The following CCDC73 variants were observed in gnomAD, a reference collection of about 807,000 sequenced individuals.
CCDC73 encodes the protein coiled-coil domain containing 73.
In CCDC73, 95 loss-of-function variants were observed where a neutral mutation model predicts 116.5. That is an observed-to-expected ratio of 0.82 (90% CI 0.69 to 0.97). The LOEUF is 0.97. CCDC73 is among the 50% of genes least tolerant of loss of function. The probability of loss-of-function intolerance (pLI) is 0.00; values close to 1 mark genes in which losing one functional copy is unlikely to be tolerated. For synonymous variants in CCDC73, 398 were observed against 401.3 expected (o/e 0.99, Z 0.10); for missense variants, 1,066 against 1,206.8 (o/e 0.88, Z 1.73).
chr11:32,692,580 G>A (rs1445617383), intron 6 of CCDC73, among the ~76,000 whole-genome samples: 1 of 152,140 alleles, frequency 6.6e-6, no homozygotes, highest in African/African-American at 2.4e-5. Context: ...ACATCTTAGA[G>A]ATCATCTATC....
intron 1 of CCDC73, among the ~76,000 whole-genome samples, chr11:32,776,992 T>TATAC (rs1850541493): frequency 3.7e-5 from 1 of 27,070 alleles, no homozygotes. Flanking sequence ...TACACATGTA[T>TATAC]ATATATATAT....
chr11:32,670,439 G>C (rs556375293), intron 9 of CCDC73, among the ~76,000 whole-genome samples: 1 of 151,730 alleles, frequency 6.6e-6, no homozygotes, highest in Non-Finnish European at 1.5e-5. Context: ...GGAGAATGGC[G>C]TGAACCTGGG....
intron 3 of CCDC73, among the ~76,000 whole-genome samples, chr11:32,708,101 T>C (rs7483614): frequency 0.15 from 23,011 of 152,196 alleles, 2,165 homozygotes; most frequent in East Asian, 0.39. Flanking sequence ...GATGAGGTTC[T>C]AGCTTCATTC....
chr11:32,800,578 T>G, the CCDC73 span, among the ~76,000 whole-genome samples: 3 of 152,190 alleles, frequency 2.0e-5, no homozygotes, highest in Non-Finnish European at 4.4e-5. Flanking sequence ...TGTATAAAAT[T>G]TATCTTTTTT....
rs1265438943 is a variant in CCDC73 at position 32,715,502 on chromosome 11, A to ACG, written c.207+2573_207+2574insCG. On this transcript the variant is annotated intron_variant, in intron 3 of 17. Coordinates refer to ENST00000335185, the MANE Select transcript of CCDC73 (RefSeq NM_001008391.4). Reference sequence around the variant, plus strand: ...AAAGGAAAAACTGATACACACGCACACACACACACACACACACACCACCAG... The same window carrying ACG: ...AAAGGAAAAACTGATACACACGCACACGCACACACACACACACACACCACCAG... 9.2e-5 allele frequency among the ~76,000 whole-genome samples: 14 copies of ACG among 151,580 alleles called. No individual in the cohort carries two copies. In the East Asian group the frequency reaches 2.5e-3, roughly 27 times the overall value.
At chr11:32,821,880 G>A in the CCDC73 span, among the ~76,000 whole-genome samples, 3 of 152,320 alleles carry the variant, frequency 2.0e-5, no homozygotes, top group African/African-American at 7.2e-5. Context: ...TGTTAGAAAT[G>A]ATGGGCTAGT....
intron 14 of CCDC73, among the ~76,000 whole-genome samples, chr11:32,627,304 G>A (rs1016518260): frequency 1.3e-5 from 2 of 152,144 alleles, no homozygotes; most frequent in Admixed American, 6.6e-5. Context: ...GGCGATCATT[G>A]AAAAGTCAGG....
In CCDC73 at chr11:32,650,720, T is replaced by G. The variant is rs1222962554; in HGVS notation, c.939+2403A>C. Reference sequence around the variant, plus strand: ...CCTCTTCTATAGTATTTGGGACACGTAAGAGAAATAAGGAAGGCAAAACTT... The same window carrying G: ...CCTCTTCTATAGTATTTGGGACACGGAAGAGAAATAAGGAAGGCAAAACTT... On this transcript the variant is annotated intron_variant, in intron 12 of 17. Coordinates refer to ENST00000335185, the MANE Select transcript of CCDC73 (RefSeq NM_001008391.4). Among the ~76,000 whole-genome samples the G allele has an allele frequency of 4.6e-5, 7 of 152,218 alleles. No homozygotes were observed. The South Asian group carries it at 1.5e-3, about 32-fold the overall frequency.
chr11:32,777,099 CTTTTTTTTTTTTT>C (rs759122829), intron 1 of CCDC73, among the ~76,000 whole-genome samples: 2 of 106,808 alleles, frequency 1.9e-5, no homozygotes, highest in East Asian at 5.1e-4. Context: ...TTTTTTCTTT[CTTTTTTTTTTTTT>C]TTTTGAGACG....
upstream of CCDC73, among the ~76,000 whole-genome samples, chr11:32,795,689 A>AT (rs1590652655): frequency 2.7e-5 from 4 of 147,310 alleles, no homozygotes; most frequent in Admixed American, 1.3e-4. Context: ...CCTGCCCTCA[A>AT]ATTTTTTTTT....
At chr11:32,658,849 T>A (rs1321344132) in intron 9 of CCDC73, among the ~76,000 whole-genome samples, 1 of 151,910 alleles carries the variant, frequency 6.6e-6, no homozygotes, top group East Asian at 1.9e-4. Flanking sequence ...TCAAAGATGA[T>A]TCTAGAGTGA....
At chr11:32,741,522 T>C (rs1355262866) in intron 2 of CCDC73, among the ~76,000 whole-genome samples, 3 of 152,114 alleles carry the variant, frequency 2.0e-5, no homozygotes, top group Non-Finnish European at 4.4e-5. Context: ...TTGGTTTCCA[T>C]TTGCATGGAA....
At chr11:32,638,885 C>T (rs564108572) in intron 13 of CCDC73, among the ~76,000 whole-genome samples, 1 of 151,960 alleles carries the variant, frequency 6.6e-6, no homozygotes, top group South Asian at 2.1e-4. Flanking sequence ...CAGTGGCTCA[C>T]GCCTGTAATC....
intron 2 of CCDC73, among the ~76,000 whole-genome samples, chr11:32,723,242 T>C (rs1176847943): frequency 2.6e-5 from 4 of 152,342 alleles, no homozygotes; most frequent in South Asian, 4.1e-4. Flanking sequence ...AGAATTGCTA[T>C]GAATTTTCTA....
At chr11:32,709,068 G>T (rs998762102) in intron 3 of CCDC73, among the ~76,000 whole-genome samples, 2 of 152,100 alleles carry the variant, frequency 1.3e-5, no homozygotes, top group African/African-American at 4.8e-5. Flanking sequence ...TTACCTTAAG[G>T]TATGTCCCTT....
chr11:32,688,510 A>G (rs1215010689), intron 6 of CCDC73, among the ~76,000 whole-genome samples: 1 of 152,202 alleles, frequency 6.6e-6, no homozygotes, highest in Non-Finnish European at 1.5e-5. Flanking sequence ...CTTTAATGGG[A>G]CAATTTGTGA....
chr11:32,614,234 T>A lies in CCDC73; in HGVS notation c.2084A>T (p.Lys695Ile). ...ATCACAGGGAACAGTTAGTTCAGAT[T>A]TCTCTAAAGTATCATTACAGACTTG... ...FLQVCNDTLE[K>I]SELTVPCDIV... Residue 695 changes from lysine to isoleucine, a missense_variant, in exon 16 of 18, where the codon AAA becomes ATA. Physicochemically the swap from Lys to Ile is moderately radical, Grantham distance 102 (BLOSUM62 -3). Transcript: ENST00000335185. 6.2e-7 allele frequency: 1 copy of A among 1,613,812 alleles called. No individual in the cohort carries two copies. Among genetic ancestry groups the A allele is most frequent in the Non-Finnish European group, 8.5e-7 (1 of 1,179,788 alleles).
At chr11:32,650,127 CAGTATGTAAGTACTGGATTT>C (rs1420263851) in intron 12 of CCDC73, among the ~76,000 whole-genome samples, 1 of 152,048 alleles carries the variant, frequency 6.6e-6, no homozygotes, top group Non-Finnish European at 1.5e-5. Context: ...TAGAATTCAG[CAGTATGTAAGTACTGGATTT>C]AGAGCTCATG....
At chr11:32,768,590 G>T (rs1379093516) in intron 1 of CCDC73, among the ~76,000 whole-genome samples, 1 of 152,202 alleles carries the variant, frequency 6.6e-6, no homozygotes, top group Non-Finnish European at 1.5e-5. Flanking sequence ...TCATTGGATA[G>T]TGAAAGAAAC....
Sources: gnomAD v4.1 joint callset for allele counts (sites outside exome capture counted in the v4.1 genomes callset) on GRCh38, gnomAD v4.1.1 for gene constraint, MANE v1.5 for transcripts, NCBI Gene and HGNC (gene_info 2026-07-23, HGNC 2026-07-21) for gene names.